The following GPC5 variants were observed in gnomAD, a reference collection of about 807,000 sequenced individuals.
The protein encoded by GPC5 is glypican-5.
GPC5 carries 47 observed loss-of-function variants against 53.9 expected under a neutral mutation model. The observed-to-expected ratio is 0.87, with a 90% CI of 0.69 to 1.11. The LOEUF is 1.11. Ranked by LOEUF, GPC5 falls within the 50% of genes most tolerant of loss-of-function variation. GPC5 has a pLI of 0.00. For missense variants in GPC5, 748 were observed against 713.1 expected (o/e 1.05, Z -0.56); for synonymous variants, 286 against 263.3 (o/e 1.09, Z -0.84).
chr13:92,159,819 G>T (rs546406013), intron 7 of GPC5, among the ~76,000 whole-genome samples: 1 of 151,830 alleles, frequency 6.6e-6, no homozygotes, highest in South Asian at 2.1e-4. Context: ...AGCCAGGATA[G>T]TCTCGATCTC....
At chr13:92,756,359 C>A (rs1245993448) in intron 7 of GPC5, among the ~76,000 whole-genome samples, 2 of 152,046 alleles carry the variant, frequency 1.3e-5, no homozygotes, top group African/African-American at 4.8e-5. Context: ...CTATGACAAA[C>A]CCACAGCCAA....
intron 2 of GPC5, among the ~76,000 whole-genome samples, chr13:91,642,567 A>T (rs1358395654): frequency 6.6e-6 from 1 of 152,206 alleles, no homozygotes; most frequent in Non-Finnish European, 1.5e-5. Flanking sequence ...TATAAAGATC[A>T]ACCCAAAACT....
intron 7 of GPC5, among the ~76,000 whole-genome samples, chr13:92,191,468 C>T (rs1452339041): frequency 7.9e-5 from 12 of 152,114 alleles, no homozygotes; most frequent in Admixed American, 6.5e-4. Context: ...GAGAGTTTGT[C>T]AGTTTCTTAG....
intron 3 of GPC5, among the ~76,000 whole-genome samples, chr13:91,714,553 A>G (rs1594468185): frequency 6.6e-6 from 1 of 152,322 alleles, no homozygotes; most frequent in South Asian, 2.1e-4. Context: ...TATGTTTAGA[A>G]ATAGATACTA....
intron 7 of GPC5, among the ~76,000 whole-genome samples, chr13:92,257,545 G>GCTTTTTTTTTTTTTTTTT (rs1566507028): frequency 2.0e-5 from 1 of 50,050 alleles, no homozygotes; most frequent in African/African-American, 1.2e-4. Flanking sequence ...CTAATACAGG[G>GCTTTTTTTTTTTTTTTTT]ATTTTTTTTT....
intron 7 of GPC5, among the ~76,000 whole-genome samples, chr13:92,818,169 C>T (rs543686626): frequency 6.6e-6 from 1 of 151,842 alleles, no homozygotes; most frequent in African/African-American, 2.4e-5. Flanking sequence ...CCCATCACTG[C>T]ACCTGGCTAA....
At chr13:92,102,841 G>A (rs956909891) in intron 6 of GPC5, among the ~76,000 whole-genome samples, 8 of 152,152 alleles carry the variant, frequency 5.3e-5, no homozygotes, top group Admixed American at 4.6e-4. Context: ...GGATTGAGGT[G>A]TACAGGTTTG....
At chr13:92,199,065 C>A (rs1360784535) in intron 7 of GPC5, among the ~76,000 whole-genome samples, 1 of 152,212 alleles carries the variant, frequency 6.6e-6, no homozygotes, top group Admixed American at 6.5e-5. Flanking sequence ...CTAACTGACA[C>A]ATCAATGCTA....
intron 7 of GPC5, among the ~76,000 whole-genome samples, chr13:92,681,845 G>T (rs1887120594): frequency 6.6e-6 from 1 of 152,142 alleles, no homozygotes; most frequent in African/African-American, 2.4e-5. Flanking sequence ...CTATTCCTTT[G>T]TGGTGGAATT....
At chr13:92,419,091 G>C (rs1275367696) in intron 7 of GPC5, among the ~76,000 whole-genome samples, 2 of 152,130 alleles carry the variant, frequency 1.3e-5, no homozygotes, top group African/African-American at 4.8e-5. Flanking sequence ...TTCACTCAGG[G>C]AAGCATTTAA....
chr13:92,246,660 T>A (rs1243623732), intron 7 of GPC5, among the ~76,000 whole-genome samples: 1 of 152,124 alleles, frequency 6.6e-6, no homozygotes, highest in Non-Finnish European at 1.5e-5. Flanking sequence ...GTAAAAGCAA[T>A]CTACTAAAAT....
intron 6 of GPC5, among the ~76,000 whole-genome samples, chr13:92,104,676 T>C (rs1327372753): frequency 6.6e-6 from 1 of 152,110 alleles, no homozygotes; most frequent in Non-Finnish European, 1.5e-5. Context: ...AGGTGAAAGT[T>C]TGAAATTGTA....
chr13:91,777,820 C>A (rs1044849574), intron 5 of GPC5, among the ~76,000 whole-genome samples: 1 of 152,102 alleles, frequency 6.6e-6, no homozygotes, highest in Non-Finnish European at 1.5e-5. Flanking sequence ...TTCTTAAAAT[C>A]CCATTTTCTT....
At chr13:92,638,859 A>C (rs1241064648) in intron 7 of GPC5, among the ~76,000 whole-genome samples, 1 of 152,226 alleles carries the variant, frequency 6.6e-6, no homozygotes, top group Non-Finnish European at 1.5e-5. Context: ...TAGGCACAAA[A>C]GACTTATGAA....
chr13:91,756,364 T>C lies in GPC5; in HGVS notation c.1224T>C (p.Asn408=), dbSNP rs748659135. 3 of 1,594,972 alleles carry C rather than the reference T, an allele frequency of 1.9e-6. No individual in the cohort carries two copies. The highest frequency in any genetic ancestry group is 1.1e-5 in the South Asian group (1 of 89,010). Reference sequence around the variant, plus strand: ...GTCTAGCTGATCAGCTTTGTGCTAATGAATTAGCTGCTGCAGATGGACTTC... The same window carrying C: ...GTCTAGCTGATCAGCTTTGTGCTAACGAATTAGCTGCTGCAGATGGACTTC... ...YGGLADQLCA[N]ELAAADGLPC... is the part of the protein sequence containing the mutation. Residue 408 remains asparagine (N), a synonymous_variant, in exon 5 of 8, where the codon AAT becomes AAC. Coordinates refer to ENST00000377067, the MANE Select transcript of GPC5 (RefSeq NM_004466.6).
intron 2 of GPC5, among the ~76,000 whole-genome samples, chr13:91,518,842 C>A (rs1002217966): frequency 2.0e-5 from 3 of 152,116 alleles, no homozygotes; most frequent in African/African-American, 7.2e-5. Context: ...TGTGAGCCAC[C>A]ACACCCGGCT....
At chr13:92,753,176 G>C (rs1566401962) in intron 7 of GPC5, among the ~76,000 whole-genome samples, 1 of 152,148 alleles carries the variant, frequency 6.6e-6, no homozygotes, top group Non-Finnish European at 1.5e-5. Context: ...GTGGGTCCCT[G>C]ACCCCTGACC....
chr13:91,684,310 AATT>A (rs2035574097), intron 2 of GPC5, among the ~76,000 whole-genome samples: 1 of 152,112 alleles, frequency 6.6e-6, no homozygotes, highest in African/African-American at 2.4e-5. Flanking sequence ...CTGAGACTCC[AATT>A]ATTTTATCTA....
intron 7 of GPC5, among the ~76,000 whole-genome samples, chr13:92,691,139 G>C (rs1360710422): frequency 1.0e-5 from 1 of 99,556 alleles, no homozygotes; most frequent in African/African-American, 4.2e-5. Context: ...AGCAAGCCTG[G>C]GCAATGGCGG....
Sources: gnomAD v4.1 joint callset for allele counts (sites outside exome capture counted in the v4.1 genomes callset) on GRCh38, gnomAD v4.1.1 for gene constraint, MANE v1.5 for transcripts, NCBI Gene and HGNC (gene_info 2026-07-23, HGNC 2026-07-21) for gene names.